The following SORCS1 variants were observed in gnomAD, a reference collection of about 807,000 sequenced individuals.
SORCS1 encodes sortilin related VPS10 domain containing receptor 1, also known as VPS10 domain-containing receptor SorCS1.
SORCS1 carries 60 observed loss-of-function variants against 146.1 expected under a neutral mutation model. That is an observed-to-expected ratio of 0.41 (90% CI 0.33 to 0.51). SORCS1 has a LOEUF of 0.51. Among genes scored for constraint, SORCS1 ranks in the 20% least tolerant of loss-of-function variants. SORCS1 has a pLI of 0.21. For missense variants in SORCS1, 1,352 were observed against 1,487.6 expected (o/e 0.91, Z 1.50); for synonymous variants, 637 against 584.0 (o/e 1.09, Z -1.31).
At chr10:106,625,200 CTGTGTGTGTGTGTGTGTG>C (rs3044907) in intron 19 of SORCS1, among the ~76,000 whole-genome samples, 336 of 140,134 alleles carry the variant, frequency 2.4e-3, no homozygotes, top group African/African-American at 7.5e-3. Context: ...TTGTGTGATT[CTGTGTGTGTGTGTGTGTG>C]TGTGTGTGTG....
chr10:106,801,729 A>C (rs1946902034), intron 3 of SORCS1, among the ~76,000 whole-genome samples: 1 of 151,996 alleles, frequency 6.6e-6, no homozygotes, highest in Non-Finnish European at 1.5e-5. Context: ...ATGTGGTTTC[A>C]CTGTGTTAGC....
At chr10:107,008,768 C>T (rs554525872) in intron 1 of SORCS1, among the ~76,000 whole-genome samples, 7 of 152,198 alleles carry the variant, frequency 4.6e-5, no homozygotes, top group East Asian at 1.9e-4. Flanking sequence ...GAGGCCGAGG[C>T]GGGTGGATCA....
intron 1 of SORCS1, among the ~76,000 whole-genome samples, chr10:106,983,213 AATATATATACATATTTCTATATATAAAT>A (rs1956313509): frequency 6.8e-6 from 1 of 147,400 alleles, no homozygotes; most frequent in African/African-American, 2.5e-5. Flanking sequence ...TCTATATATA[AATATATATACATATTTCTATATATAAAT>A]ATACATATAC....
chr10:107,115,224 A>T (rs780683040), intron 1 of SORCS1, among the ~76,000 whole-genome samples: 9 of 151,974 alleles, frequency 5.9e-5, no homozygotes, highest in Non-Finnish European at 1.2e-4. Context: ...CATTCCAATG[A>T]CATTTTTCAT....
intron 8 of SORCS1, among the ~76,000 whole-genome samples, chr10:106,704,741 C>T (rs557533857): frequency 7.2e-5 from 11 of 152,040 alleles, no homozygotes; most frequent in Admixed American, 6.6e-5. Flanking sequence ...AGTTTATTCC[C>T]AAGAGTGCGC....
intron 1 of SORCS1, among the ~76,000 whole-genome samples, chr10:107,103,580 T>C (rs1158258419): frequency 6.6e-6 from 1 of 152,234 alleles, no homozygotes; most frequent in East Asian, 1.9e-4. Flanking sequence ...TACACATTTC[T>C]GTGCTCTTGG....
At chr10:107,158,890 T>C (rs1384848347) in intron 1 of SORCS1, among the ~76,000 whole-genome samples, 1 of 152,056 alleles carries the variant, frequency 6.6e-6, no homozygotes, top group Non-Finnish European at 1.5e-5. Context: ...ACTTCTAAGG[T>C]CTCTCTTTAA....
At chr10:106,756,019 C>G (rs1171001917) in intron 5 of SORCS1, among the ~76,000 whole-genome samples, 1 of 151,986 alleles carries the variant, frequency 6.6e-6, no homozygotes, top group Non-Finnish European at 1.5e-5. Context: ...GTCTCAACTA[C>G]TCAGGAGGCT....
intron 22 of SORCS1, among the ~76,000 whole-genome samples, chr10:106,608,670 T>C (rs948125504): frequency 2.0e-5 from 3 of 152,228 alleles, no homozygotes; most frequent in African/African-American, 7.2e-5. Context: ...CACCTCACTC[T>C]GCAGTGAGAA....
intron 1 of SORCS1, among the ~76,000 whole-genome samples, chr10:107,009,855 G>A (rs868054158): frequency 2.6e-5 from 4 of 152,256 alleles, no homozygotes; most frequent in Middle Eastern, 3.4e-3. Flanking sequence ...TAGGTGCATA[G>A]GGAGACAATA....
intron 1 of SORCS1, among the ~76,000 whole-genome samples, chr10:107,114,618 G>T (rs949302528): frequency 6.6e-6 from 1 of 152,000 alleles, no homozygotes; most frequent in Non-Finnish European, 1.5e-5. Context: ...CATGTTAAAG[G>T]CCATACATGA....
At chr10:106,679,902 A>G (rs1852310566) in intron 10 of SORCS1, among the ~76,000 whole-genome samples, 168 bp from the exon 11 acceptor site, 1 of 152,096 alleles carries the variant, frequency 6.6e-6, no homozygotes, top group African/African-American at 2.4e-5. Context: ...TCCATCCCCC[A>G]AATATCTAGT....
At chr10:106,934,403 G>A (rs371807747) in intron 2 of SORCS1, among the ~76,000 whole-genome samples, 5 of 151,812 alleles carry the variant, frequency 3.3e-5, no homozygotes, top group East Asian at 2.0e-4. Flanking sequence ...GACTACAGGC[G>A]CCACCACCAC....
At chr10:106,613,712 C>T (rs1847165925) in intron 21 of SORCS1, among the ~76,000 whole-genome samples, 1 of 152,166 alleles carries the variant, frequency 6.6e-6, no homozygotes, top group East Asian at 1.9e-4. Context: ...CCTGCCAGTG[C>T]CTCCACATTG....
At chr10:106,667,841 G>A in intron 16 of SORCS1, 39 bp from the exon 17 acceptor site, 1 of 1,496,632 alleles carries the variant, frequency 6.7e-7, no homozygotes, top group Non-Finnish European at 9.3e-7. Flanking sequence ...TCACTAGGTG[G>A]CAAAATTACT....
intron 1 of SORCS1, among the ~76,000 whole-genome samples, chr10:107,093,956 TC>T (rs1162970232): frequency 6.6e-6 from 1 of 152,062 alleles, no homozygotes; most frequent in Non-Finnish European, 1.5e-5. Context: ...TGGACCGCTA[TC>T]CCCCAGAAGC....
intron 2 of SORCS1, among the ~76,000 whole-genome samples, chr10:106,850,558 C>A (rs557981639): frequency 6.6e-6 from 1 of 152,174 alleles, no homozygotes; most frequent in East Asian, 1.9e-4. Flanking sequence ...GCGTTGCTCA[C>A]GCTGGGAGCT....
intron 7 of SORCS1, among the ~76,000 whole-genome samples, chr10:106,708,931 C>A (rs943068773): frequency 6.6e-6 from 1 of 152,158 alleles, no homozygotes; most frequent in African/African-American, 2.4e-5. Context: ...TACTGTGCAT[C>A]ATCCTAGAGA....
chr10:106,851,301 A>G (rs1294464704), intron 2 of SORCS1, among the ~76,000 whole-genome samples: 1 of 152,164 alleles, frequency 6.6e-6, no homozygotes, highest in Admixed American at 6.5e-5. Context: ...TCTCCTAGTT[A>G]TCTTCAGGAG....
Sources: gnomAD v4.1 joint callset for allele counts (sites outside exome capture counted in the v4.1 genomes callset) on GRCh38, gnomAD v4.1.1 for gene constraint, MANE v1.5 for transcripts, NCBI Gene and HGNC (gene_info 2026-07-23, HGNC 2026-07-21) for gene names.